HDAC4: variants seen among roughly 807,000 people sequenced by gnomAD.
The protein encoded by HDAC4 is histone deacetylase A.
HDAC4 carries 16 observed loss-of-function variants against 135.1 expected under a neutral mutation model. That is an observed-to-expected ratio of 0.12 (90% CI 0.08 to 0.18). HDAC4 has a LOEUF of 0.18. Among genes scored for constraint, HDAC4 ranks in the 10% least tolerant of loss-of-function variants. The probability of loss-of-function intolerance (pLI) is 1.00; values close to 1 mark genes in which losing one functional copy is unlikely to be tolerated. For missense variants in HDAC4, 1,143 were observed against 1,511.8 expected (o/e 0.76, Z 4.05); for synonymous variants, 685 against 653.4 (o/e 1.05, Z -0.74).
intron 6 of HDAC4, among the ~76,000 whole-genome samples, chr2:239,160,895 C>G (rs550175878): frequency 6.6e-6 from 1 of 152,226 alleles, no homozygotes; most frequent in Non-Finnish European, 1.5e-5. Context: ...TGTTTTCCCA[C>G]GTGTGATTCA....
At chr2:239,161,137 G>T (rs949385326) in intron 6 of HDAC4, among the ~76,000 whole-genome samples, 1 of 152,094 alleles carries the variant, frequency 6.6e-6, no homozygotes, top group Non-Finnish European at 1.5e-5. Flanking sequence ...TTAAGTGGGC[G>T]GCTTGTCTTT....
intron 22 of HDAC4, among the ~76,000 whole-genome samples, chr2:239,074,360 C>T (rs1466607033): frequency 2.0e-5 from 3 of 152,250 alleles, no homozygotes; most frequent in Admixed American, 2.0e-4. Flanking sequence ...CTTTACTTCC[C>T]CACTTTGAAG....
At chr2:239,108,614 T>A (rs141962238) in intron 14 of HDAC4, among the ~76,000 whole-genome samples, 2 of 152,188 alleles carry the variant, frequency 1.3e-5, no homozygotes, top group Non-Finnish European at 2.9e-5. Flanking sequence ...CCTCAAAGTC[T>A]GCCTGGTCCT....
In HDAC4 at chr2:239,309,486, G is replaced by C. The variant is rs2052769656; in HGVS notation, c.22+43192C>G. Among the ~76,000 whole-genome samples the C allele has an allele frequency of 1.3e-5, 2 of 152,208 alleles. No individual in the cohort carries two copies. Among genetic ancestry groups the C allele is most frequent in the Admixed American group, 6.5e-5 (1 of 15,292 alleles). ...CTCAGCCACCTCTCACTAACACTCA[G>C]CTCCACTCCTGCTTCCTTCCTCTCA... On this transcript the variant is annotated intron_variant, in intron 2 of 26. Coordinates refer to ENST00000543185, the MANE Select transcript of HDAC4 (RefSeq NM_001378414.1). The surrounding 1 kb of genome is among the most constrained non-coding windows in gnomAD (Gnocchi z 4.2).
At chr2:239,366,867 C>T (rs1375827649) in intron 1 of HDAC4, among the ~76,000 whole-genome samples, 1 of 137,404 alleles carries the variant, frequency 7.3e-6, no homozygotes, top group Non-Finnish European at 1.5e-5. Context: ...GACAAACAGC[C>T]CCAGAACCTT....
chr2:239,080,141 C>T (rs1329626034), intron 22 of HDAC4, among the ~76,000 whole-genome samples: 2 of 152,196 alleles, frequency 1.3e-5, no homozygotes, highest in Non-Finnish European at 2.9e-5. Flanking sequence ...CACACACACG[C>T]ACGTGGACAC....
chr2:239,260,874 G>A (rs964015042), intron 2 of HDAC4, among the ~76,000 whole-genome samples: 1 of 152,188 alleles, frequency 6.6e-6, no homozygotes, highest in Non-Finnish European at 1.5e-5. Flanking sequence ...CCTTGAACCT[G>A]AGAAGGAGGC....
At chr2:239,054,693 G>T in intron 25 of HDAC4, 56 bp downstream of exon 25, 1 of 1,084,390 alleles carries the variant, frequency 9.2e-7, no homozygotes, top group Non-Finnish European at 1.4e-6. Context: ...ATGGGGTGTG[G>T]TGCAGTCCCA....
intron 1 of HDAC4, among the ~76,000 whole-genome samples, chr2:239,370,510 C>T (rs1694530705): frequency 6.6e-6 from 1 of 152,222 alleles, no homozygotes; most frequent in South Asian, 2.1e-4. Context: ...CCTGCAGCGC[C>T]CCCCTGAATC....
At chr2:239,134,012 A>T (rs1455236063) in intron 11 of HDAC4, among the ~76,000 whole-genome samples, 1 of 152,106 alleles carries the variant, frequency 6.6e-6, no homozygotes, top group African/African-American at 2.4e-5. Context: ...CCAAAAGGTG[A>T]GAAAGGGGAA....
In HDAC4 at chr2:239,052,897, C is replaced by T. The variant is rs1265827353; in HGVS notation, c.*200G>A. ...CTGTCCCGTGTTCCCTGTGAGGCTG[C>T]CACGCCCAGGCGTGCATGTGCGTCT... On this transcript the variant is annotated 3_prime_UTR_variant, in exon 27 of 27. Coordinates refer to ENST00000543185, the MANE Select transcript of HDAC4 (RefSeq NM_001378414.1). 1.6e-6 allele frequency: 1 copy of T among 632,380 alleles called. No homozygotes were observed. The allele number at this position is 632,380 out of a possible 1,614,324, so 39.2% of individuals were successfully genotyped here. A position where few individuals can be genotyped will look rare whatever the true frequency, so the allele number is the denominator to read the frequency against.
chr2:239,056,572 A>G (rs1455766341), intron 24 of HDAC4, among the ~76,000 whole-genome samples: 2 of 152,246 alleles, frequency 1.3e-5, no homozygotes, highest in African/African-American at 4.8e-5. Context: ...GTTCACCGGG[A>G]TATGAATAAA....
In HDAC4 at chr2:239,128,700, G is replaced by A. The variant is rs1403268870; in HGVS notation, c.1295-2006C>T. Among the ~76,000 whole-genome samples the A allele has an allele frequency of 2.0e-5, 3 of 152,192 alleles. No individual in the cohort carries two copies. The East Asian group carries it at 5.8e-4, about 29-fold the overall frequency. The stretch of plus-strand genomic sequence containing the variant: ...AAAGGTCTCTCCTCGGAAAGCAATG[G>A]GAACCTGAAATACATTTTCCTTAGC... On this transcript the variant is annotated intron_variant, in intron 11 of 26. Coordinates refer to ENST00000543185, the MANE Select transcript of HDAC4 (RefSeq NM_001378414.1).
chr2:239,199,693 C>A (rs775373298), intron 3 of HDAC4, among the ~76,000 whole-genome samples: 2 of 151,882 alleles, frequency 1.3e-5, no homozygotes, highest in Admixed American at 6.6e-5. Flanking sequence ...GAGAGCAGCG[C>A]CCTGTTCTGC....
chr2:239,283,456 G>A (rs1034358978), intron 2 of HDAC4, among the ~76,000 whole-genome samples: 2 of 152,286 alleles, frequency 1.3e-5, no homozygotes, highest in East Asian at 3.9e-4. Flanking sequence ...AGGCTGCAGC[G>A]AGTGTCGGGC....
At chr2:239,120,608 G>T (rs2039592580) in intron 12 of HDAC4, among the ~76,000 whole-genome samples, 2 of 138,966 alleles carry the variant, frequency 1.4e-5, no homozygotes, top group Admixed American at 1.4e-4. Flanking sequence ...GAGGGAAATG[G>T]GGGGGCGGGG....
chr2:239,134,527 C>A lies in HDAC4; in HGVS notation c.1095G>T (p.Ala365=), dbSNP rs751134483. 1 of 1,613,912 alleles carries A rather than the reference C, an allele frequency of 6.2e-7. No individual in the cohort carries two copies. Among genetic ancestry groups the A allele is most frequent in the African/African-American group, 1.3e-5 (1 of 75,030 alleles). The stretch of plus-strand genomic sequence containing the variant: ...CACGGACCCACGGGGGCTGACTTAC[C>A]GCAGAGGGGCCGGTGGCAGGCAGGC... ...TLGLPATGPS[A]GTAGQQDAER... is the part of the protein sequence containing the mutation. The change falls in exon 10 of 27, where the codon GCG becomes GCT. Residue 365 remains alanine, a splice_region_variant and synonymous_variant. Coordinates refer to ENST00000543185, the MANE Select transcript of HDAC4 (RefSeq NM_001378414.1).
chr2:239,095,175 G>C, intron 16 of HDAC4, 119 bp from the exon 17 acceptor site: 1 of 1,040,092 alleles, frequency 9.6e-7, no homozygotes, highest in Non-Finnish European at 1.5e-6. Context: ...ACAACGAGGG[G>C]CCACTGCTCC....
intron 2 of HDAC4, among the ~76,000 whole-genome samples, chr2:239,274,870 C>G (rs1028872421): frequency 2.6e-5 from 4 of 152,240 alleles, no homozygotes; most frequent in African/African-American, 9.6e-5. Context: ...GGCCACTCCC[C>G]CTTCTGCTGC....
Sources: allele counts gnomAD v4.1 joint callset (sites outside exome capture counted in the v4.1 genomes callset), GRCh38; gene constraint gnomAD v4.1.1; non-coding constraint Gnocchi (gnomAD v3.1); transcripts MANE v1.5; gene names NCBI Gene and HGNC (gene_info 2026-07-23, HGNC 2026-07-21).